TBC1D2: variants seen among roughly 807,000 people sequenced by gnomAD.
TBC1D2 encodes TBC1 domain family member 2.
Under a neutral mutation model 91.1 loss-of-function variants are expected in TBC1D2, and 58 were observed. That is an observed-to-expected ratio of 0.64 (90% CI 0.52 to 0.79). The LOEUF is 0.79. TBC1D2 is among the 30% of genes least tolerant of loss of function. The pLI is 0.00. For missense variants in TBC1D2, 1,080 were observed against 1,208.3 expected (o/e 0.89, Z 1.57); for synonymous variants, 482 against 511.5 (o/e 0.94, Z 0.78).
chr9:98,241,727 C>T (rs992223792), intron 3 of TBC1D2, among the ~76,000 whole-genome samples: 1 of 152,188 alleles, frequency 6.6e-6, no homozygotes, highest in African/African-American at 2.4e-5. Context: ...CTCTCTACCC[C>T]AGCATGCTCC....
Position 98,255,474 on chromosome 9 carries a change from C to T in TBC1D2, c.68G>A (p.Arg23Lys). The T allele has an allele frequency of 6.3e-7, 1 of 1,582,996 alleles. No individual in the cohort carries two copies. The highest frequency in any genetic ancestry group is 2.2e-5 in the East Asian group (1 of 44,668). The change falls in exon 1 of 13, where the codon AGG becomes AAG. Residue 23 changes from arginine to lysine, a missense_variant. Arg to Lys is a conservative substitution (Grantham distance 26). Coordinates refer to ENST00000465784, the MANE Select transcript of TBC1D2 (RefSeq NM_001267571.2). ...CTCCGGAGGCGGCACCTGTGGATCC[C>T]TGGCAGACTCTTCGGACCCAGGGGC... Reference protein sequence around the residue: ...SSAPGSEESARDPQVPPPEEE... With the variant: ...SSAPGSEESAKDPQVPPPEEE...
chr9:98,212,626 C>T (rs556312808), intron 7 of TBC1D2, among the ~76,000 whole-genome samples: 11 of 152,270 alleles, frequency 7.2e-5, no homozygotes, highest in South Asian at 2.1e-4. Flanking sequence ...CTCAGCCTCC[C>T]GGGTGGCCGG....
intron 1 of TBC1D2, among the ~76,000 whole-genome samples, chr9:98,254,237 T>A (rs757676770): frequency 3.9e-5 from 6 of 152,212 alleles, no homozygotes; most frequent in Non-Finnish European, 8.8e-5. Flanking sequence ...CATAGAACAC[T>A]TAGCCCAGAT....
chr9:98,203,143 CATGCAGCCAA>C, intron 10 of TBC1D2, 135 bp downstream of exon 10: 1 of 1,283,026 alleles, frequency 7.8e-7, no homozygotes, highest in Non-Finnish European at 1.1e-6. Context: ...GCTTCTCTTC[CATGCAGCCAA>C]ATGCACTCCC....
chr9:98,248,246 G>A (rs1022915585), intron 2 of TBC1D2, among the ~76,000 whole-genome samples: 1 of 152,246 alleles, frequency 6.6e-6, no homozygotes, highest in Admixed American at 6.5e-5. Context: ...CAATGCAAAG[G>A]AGTGTGCAAG....
At chr9:98,209,754 C>CCTTTCCTTCCTTCCTTCCTTCCTTCCTT in intron 8 of TBC1D2, among the ~76,000 whole-genome samples, 1 of 90,952 alleles carries the variant, frequency 1.1e-5, no homozygotes, top group African/African-American at 4.8e-5. Flanking sequence ...TTCCTTCCTT[C>CCTTTCCTTCCTTCCTTCCTTCCTTCCTT]CTTTCCTTCC....
chr9:98,255,029 C>T, intron 1 of TBC1D2, 144 bp downstream of exon 1: 1 of 1,355,404 alleles, frequency 7.4e-7, no homozygotes, highest in Non-Finnish European at 9.9e-7. Flanking sequence ...GGTGGGAATG[C>T]ACTTTGCAAA....
intron 10 of TBC1D2, 110 bp from the exon 11 acceptor site, chr9:98,201,774 G>T: frequency 8.5e-7 from 1 of 1,169,940 alleles, no homozygotes. Flanking sequence ...AAGCTGCTCT[G>T]GGCAGGTCCT....
At chr9:98,212,163 C>G (rs58533865) in intron 7 of TBC1D2, among the ~76,000 whole-genome samples, 1 of 152,096 alleles carries the variant, frequency 6.6e-6, no homozygotes, top group Non-Finnish European at 1.5e-5. Context: ...CTTCTCAAGC[C>G]CACCCTCCTG....
At position 98,228,842 on chromosome 9, in the gene TBC1D2, G is replaced by A. The variant is rs529450757; in HGVS notation, c.978+110C>T. Reference sequence around the variant, plus strand: ...TGCAGTTTGGCCTTTAAAGACCAGAGAGTAGCTGGTGCCCAGCACGGCTAA... The same window carrying A: ...TGCAGTTTGGCCTTTAAAGACCAGAAAGTAGCTGGTGCCCAGCACGGCTAA... On this transcript the variant is annotated intron_variant, in intron 5 of 12. Coordinates refer to ENST00000465784, the MANE Select transcript of TBC1D2 (RefSeq NM_001267571.2). The surrounding 1 kb of genome is among the most constrained non-coding windows in gnomAD (Gnocchi z 4.0). 8 of 1,056,662 alleles carry A rather than the reference G, an allele frequency of 7.6e-6. No homozygotes were observed. Among genetic ancestry groups the A allele is most frequent in the Non-Finnish European group, 1.1e-5 (8 of 721,962 alleles). 65.5% of individuals were successfully genotyped at this position (1,056,662 alleles called of 1,614,324 possible). A position where few individuals can be genotyped will look rare whatever the true frequency, so the allele number is the denominator to read the frequency against.
At position 98,199,315 on chromosome 9, in the gene TBC1D2, T is replaced by C; in HGVS notation, c.*66A>G. 6.3e-7 allele frequency: 1 copy of C among 1,581,704 alleles called. No homozygotes were observed. Among genetic ancestry groups the C allele is most frequent in the Non-Finnish European group, 8.7e-7 (1 of 1,155,136 alleles). On this transcript the variant is annotated 3_prime_UTR_variant, in exon 13 of 13. Coordinates refer to ENST00000465784, the MANE Select transcript of TBC1D2 (RefSeq NM_001267571.2). ...CACCCAGGGCTGGGCCACTGGTCCG[T>C]GCCTGACCTCCAGTGGGTCTGCCAG... is the stretch of plus-strand genomic sequence containing the variant.
At chr9:98,199,790 C>T (rs1297138307) in intron 12 of TBC1D2, among the ~76,000 whole-genome samples, 1 of 152,100 alleles carries the variant, frequency 6.6e-6, no homozygotes, top group African/African-American at 2.4e-5. Context: ...AAGAAAGACA[C>T]CTAACCCAGC....
At chr9:98,210,899 G>GGCCTGAA in intron 7 of TBC1D2, 56 bp from the exon 8 acceptor site, 1 of 1,457,116 alleles carries the variant, frequency 6.9e-7, no homozygotes, top group Non-Finnish European at 9.3e-7. Context: ...CCGCCCCAGA[G>GGCCTGAA]GCCTGAGGCC....
chr9:98,244,103 A>G lies in TBC1D2; in HGVS notation c.538T>C (p.Phe180Leu). The change falls in exon 3 of 13, where the codon TTC becomes CTC. Residue 180 changes from phenylalanine (F) to leucine (L), a missense_variant. By Grantham distance (22) the Phe-to-Leu change is conservative. Transcript: ENST00000465784. The stretch of plus-strand genomic sequence containing the variant: ...GGGGGTGTTTTCACAGGGCACAGGA[A>G]CTCCTCCAGCTCTGCCTCTTCTTGC... ...LGQEEAELEE[F>L]LCPVKTPPGL... 1 of 1,613,238 alleles carries G rather than the reference A, an allele frequency of 6.2e-7. No individual in the cohort carries two copies.
At chr9:98,222,636 G>A (rs1392759547) in intron 5 of TBC1D2, among the ~76,000 whole-genome samples, 1 of 152,180 alleles carries the variant, frequency 6.6e-6, no homozygotes, top group Non-Finnish European at 1.5e-5. Flanking sequence ...ATTTGTTCTG[G>A]GCCAGGATCA....
chr9:98,222,719 T>C (rs1356158815), intron 5 of TBC1D2, among the ~76,000 whole-genome samples: 2 of 152,264 alleles, frequency 1.3e-5, no homozygotes, highest in Non-Finnish European at 2.9e-5. Flanking sequence ...TGCCCTGCTC[T>C]GTGCTTCTCA....
chr9:98,243,971 C>T, intron 3 of TBC1D2, 23 bp downstream of exon 3: 2 of 1,588,504 alleles, frequency 1.3e-6, no homozygotes, highest in Non-Finnish European at 8.6e-7. Context: ...CTTGGCTAGC[C>T]CCTCAGCTCC....
In TBC1D2 at chr9:98,199,255, G is replaced by T; in HGVS notation, c.*126C>A. Reference sequence around the variant, plus strand: ...GTGGGGAAACTGAGGGCCAGAGAGGGGAAGGGACATGTCCAAGGTCACATG... The same window carrying T: ...GTGGGGAAACTGAGGGCCAGAGAGGTGAAGGGACATGTCCAAGGTCACATG... On this transcript the variant is annotated 3_prime_UTR_variant, in exon 13 of 13. Transcript: ENST00000465784. The T allele has an allele frequency of 9.7e-7, 1 of 1,034,164 alleles. No individual in the cohort carries two copies. Among genetic ancestry groups the T allele is most frequent in the Non-Finnish European group, 1.4e-6 (1 of 695,942 alleles). 64.1% of individuals were successfully genotyped at this position (1,034,164 alleles called of 1,614,324 possible).
At chr9:98,205,148 G>A (rs1293118005) in intron 9 of TBC1D2, among the ~76,000 whole-genome samples, 1 of 152,198 alleles carries the variant, frequency 6.6e-6, no homozygotes, top group Non-Finnish European at 1.5e-5. Flanking sequence ...AGTGGAAACA[G>A]AACCCAGGGC....
Sources: gnomAD v4.1 joint callset for allele counts (sites outside exome capture counted in the v4.1 genomes callset) on GRCh38, gnomAD v4.1.1 for gene constraint, Gnocchi (gnomAD v3.1) non-coding constraint, MANE v1.5 for transcripts, NCBI Gene and HGNC (gene_info 2026-07-23, HGNC 2026-07-21) for gene names.